SLC24A2: variants seen among roughly 807,000 people sequenced by gnomAD.
SLC24A2 encodes solute carrier family 24 member 2, also known as sodium/potassium/calcium exchanger 2.
Under a neutral mutation model 62.0 loss-of-function variants are expected in SLC24A2, and 36 were observed. That is an observed-to-expected ratio of 0.58 (90% CI 0.44 to 0.77). The LOEUF (loss-of-function observed/expected upper bound fraction) is 0.77. Ranked by LOEUF, SLC24A2 falls within the 30% of genes least tolerant of loss-of-function variation. The pLI is 0.00. For synonymous variants in SLC24A2, 358 were observed against 294.0 expected, an observed-to-expected ratio of 1.22 and a Z score of -2.23; for missense variants, 846 against 817.9, an observed-to-expected ratio of 1.03 and a Z score of -0.42.
the SLC24A2 span, among the ~76,000 whole-genome samples, chr9:19,819,120 T>C: frequency 6.6e-6 from 1 of 152,048 alleles, no homozygotes; most frequent in African/African-American, 2.4e-5. Flanking sequence ...TTTCAACAAA[T>C]GGTGCTGGGA....
intron 2 of SLC24A2, among the ~76,000 whole-genome samples, chr9:19,645,239 G>A (rs886604041): frequency 1.1e-4 from 17 of 152,178 alleles, no homozygotes; most frequent in African/African-American, 3.4e-4. Flanking sequence ...ATCTATATTC[G>A]CATTCATTTG....
the SLC24A2 span, among the ~76,000 whole-genome samples, chr9:20,065,435 G>C: frequency 2.0e-5 from 3 of 152,298 alleles, no homozygotes; most frequent in African/African-American, 7.2e-5. Context: ...TGTGGATTTT[G>C]ATGTGGACTG....
rs1564009861 is a variant in SLC24A2 at position 19,636,335 on chromosome 9, CTTT to C, written c.931-14039_931-14037del. On this transcript the variant is annotated intron_variant, in intron 2 of 10. Coordinates refer to ENST00000341998, the MANE Select transcript of SLC24A2 (RefSeq NM_020344.4). ...TTTTCTTTTCTTTCTTTCTTTCTTT[CTTT>C]CTTTCTTTCTTTCTTTCTTTCTTTC... Among the ~76,000 whole-genome samples, 31 of 24,056 alleles carry C rather than the reference CTTT, an allele frequency of 1.3e-3. 2 individuals carry two copies. Among genetic ancestry groups the C allele is most frequent in the African/African-American group, 5.0e-3 (25 of 4,976 alleles). 15.8% of individuals were successfully genotyped at this position (24,056 alleles called of 152,430 possible).
At chr9:19,639,703 C>G (rs745562230) in intron 2 of SLC24A2, among the ~76,000 whole-genome samples, 1 of 152,208 alleles carries the variant, frequency 6.6e-6, no homozygotes, top group Non-Finnish European at 1.5e-5. Flanking sequence ...TTTGCCTTAG[C>G]AATTCTCAAG....
chr9:19,605,971 A>G (rs16937646), intron 4 of SLC24A2, among the ~76,000 whole-genome samples: 2,679 of 152,306 alleles, frequency 0.018, 69 homozygotes, highest in African/African-American at 0.061. Flanking sequence ...TTCTCCCAAG[A>G]ATCTGATGGG....
At chr9:19,921,974 G>A in the SLC24A2 span, among the ~76,000 whole-genome samples, 6 of 152,146 alleles carry the variant, frequency 3.9e-5, no homozygotes, top group African/African-American at 1.4e-4. Flanking sequence ...AAGAAATGAC[G>A]CTCCTTCCCA....
rs887895851 is a variant in SLC24A2, at chr9:19,770,743, A to G, written c.930+15194T>C. Among the ~76,000 whole-genome samples the G allele has an allele frequency of 2.0e-5, 3 of 152,226 alleles. No individual in the cohort carries two copies. In the East Asian group the frequency reaches 5.8e-4, roughly 29 times the overall value. On this transcript the variant is annotated intron_variant, in intron 2 of 10. Coordinates refer to ENST00000341998, the MANE Select transcript of SLC24A2 (RefSeq NM_020344.4). ...TAGAAACTAAAACTTAACATTGACC[A>G]TTCAGTGAGTCAGTAAGATCCTCAG...
At chr9:19,955,627 T>A in the SLC24A2 span, among the ~76,000 whole-genome samples, 35 of 152,208 alleles carry the variant, frequency 2.3e-4, no homozygotes, top group Middle Eastern at 3.4e-3. Flanking sequence ...AAAATAAAAA[T>A]GTAGATTCCT....
chr9:20,085,698 T>C, the SLC24A2 span, among the ~76,000 whole-genome samples: 1 of 152,254 alleles, frequency 6.6e-6, no homozygotes. Flanking sequence ...TACAATAGTG[T>C]ATTTGAATGC....
the SLC24A2 span, among the ~76,000 whole-genome samples, chr9:20,095,578 C>G: frequency 6.6e-6 from 1 of 152,106 alleles, no homozygotes; most frequent in East Asian, 1.9e-4. Flanking sequence ...TACTTCCAGA[C>G]TCAAAGTGAA....
the SLC24A2 span, among the ~76,000 whole-genome samples, chr9:20,260,841 C>T: frequency 1.9e-5 from 2 of 105,464 alleles, no homozygotes; most frequent in Non-Finnish European, 3.6e-5. Context: ...TCCAACGTAT[C>T]ATTCTTTCTT....
chr9:19,682,909 G>A (rs186288143), intron 2 of SLC24A2, among the ~76,000 whole-genome samples: 3 of 152,144 alleles, frequency 2.0e-5, no homozygotes, highest in African/African-American at 7.2e-5. Flanking sequence ...GTATTGATTA[G>A]CTGTACTGTC....
At chr9:19,790,071 A>G (rs1359745686), upstream of SLC24A2, among the ~76,000 whole-genome samples, 4 of 148,808 alleles carry the variant, frequency 2.7e-5, no homozygotes, top group African/African-American at 9.9e-5. Context: ...CCACCCCCCA[A>G]TCAAAGCCAG....
At chr9:20,243,019 C>T in the SLC24A2 span, among the ~76,000 whole-genome samples, 1 of 152,114 alleles carries the variant, frequency 6.6e-6, no homozygotes, top group African/African-American at 2.4e-5. Context: ...TCTTCAATAA[C>T]CCAGCAGTGT....
At chr9:19,828,820 G>T in the SLC24A2 span, among the ~76,000 whole-genome samples, 1 of 152,196 alleles carries the variant, frequency 6.6e-6, no homozygotes, top group Admixed American at 6.5e-5. Context: ...CTTTGCTGAA[G>T]TTGTGTGTGG....
chr9:19,778,318 G>C (rs1330379048), intron 2 of SLC24A2, among the ~76,000 whole-genome samples: 1 of 152,070 alleles, frequency 6.6e-6, no homozygotes, highest in Admixed American at 6.6e-5. Context: ...TTGCCTTCAA[G>C]GTATTTGCCA....
the SLC24A2 span, among the ~76,000 whole-genome samples, chr9:20,213,909 T>A: frequency 6.6e-6 from 1 of 152,218 alleles, no homozygotes; most frequent in Non-Finnish European, 1.5e-5. Flanking sequence ...TGTATCTCCA[T>A]TTCACCCTGT....
the SLC24A2 span, among the ~76,000 whole-genome samples, chr9:20,264,886 T>C: frequency 6.6e-6 from 1 of 152,228 alleles, no homozygotes; most frequent in South Asian, 2.1e-4. Context: ...CTAAAATGTG[T>C]AATCTCTGAG....
At chr9:20,095,460 G>T in the SLC24A2 span, among the ~76,000 whole-genome samples, 1 of 152,184 alleles carries the variant, frequency 6.6e-6, no homozygotes, top group African/African-American at 2.4e-5. Context: ...CTTTTCTATT[G>T]TGGATGGGCC....
Sources: allele counts gnomAD v4.1 joint callset (sites outside exome capture counted in the v4.1 genomes callset), GRCh38; gene constraint gnomAD v4.1.1; transcripts MANE v1.5; gene names NCBI Gene and HGNC (gene_info 2026-07-23, HGNC 2026-07-21).